The following MTUS2 variants were observed in gnomAD, a reference collection of about 807,000 sequenced individuals.
MTUS2 encodes the protein microtubule associated scaffold protein 2, also known as microtubule-associated tumor suppressor candidate 2.
MTUS2 carries 40 observed loss-of-function variants against 114.1 expected under a neutral mutation model. That is an observed-to-expected ratio of 0.35 (90% CI 0.27 to 0.46). The LOEUF is 0.46. Among genes scored for constraint, MTUS2 ranks in the 20% least tolerant of loss-of-function variants. The pLI is 1.00. For missense variants in MTUS2, 1,679 were observed against 1,705.4 expected (o/e 0.98, Z 0.27); for synonymous variants, 688 against 672.0 (o/e 1.02, Z -0.37).
intron 8 of MTUS2, among the ~76,000 whole-genome samples, chr13:29,369,116 G>A (rs543157724): frequency 1.2e-4 from 18 of 144,492 alleles, no homozygotes; most frequent in Middle Eastern, 7.3e-3. Flanking sequence ...ACCAGGCAGC[G>A]GGAAAAAAAA....
At chr13:29,005,786 G>A (rs1479837036) in intron 2 of MTUS2, among the ~76,000 whole-genome samples, 1 of 152,148 alleles carries the variant, frequency 6.6e-6, no homozygotes, top group East Asian at 1.9e-4. Context: ...GTTAACCTAG[G>A]ACATAGTCTG....
At chr13:29,163,519 C>T (rs982192589) in intron 5 of MTUS2, among the ~76,000 whole-genome samples, 2 of 152,150 alleles carry the variant, frequency 1.3e-5, no homozygotes, top group African/African-American at 4.8e-5. Context: ...GGTCAGCACA[C>T]CCGTGTGCAT....
chr13:29,158,358 C>CCCCCCCCCTTCTTTT, intron 5 of MTUS2, among the ~76,000 whole-genome samples: 2 of 32,046 alleles, frequency 6.2e-5, no homozygotes, highest in Non-Finnish European at 1.0e-4. Context: ...GTCCACCCCG[C>CCCCCCCCCTTCTTTT]TTTTTTTTTT....
chr13:29,356,224 A>G (rs189018352), intron 7 of MTUS2, among the ~76,000 whole-genome samples: 10 of 152,302 alleles, frequency 6.6e-5, no homozygotes, highest in Admixed American at 6.5e-4. Context: ...CCTGAGAAAT[A>G]TGATGGGAAA....
chr13:29,307,946 T>C (rs967766350), intron 6 of MTUS2, among the ~76,000 whole-genome samples: 23 of 152,168 alleles, frequency 1.5e-4, no homozygotes, highest in African/African-American at 5.1e-4. Flanking sequence ...CACCTTGTCA[T>C]GTACCATCAA....
chr13:28,919,215 G>T (rs977950050), intron 2 of MTUS2, among the ~76,000 whole-genome samples: 1 of 152,062 alleles, frequency 6.6e-6, no homozygotes, highest in African/African-American at 2.4e-5. Flanking sequence ...TTTTCTTTCA[G>T]ATTGAATAAC....
At position 29,286,672 on chromosome 13, in the gene MTUS2, GTCTA is replaced by G. The variant is rs1555261573; in HGVS notation, c.2806+4831_2806+4834del. Among the ~76,000 whole-genome samples the G allele has an allele frequency of 1.6e-4, 18 of 111,018 alleles. No homozygotes were observed. In the South Asian group the frequency reaches 2.2e-3, roughly 14 times the overall value. 72.8% of individuals were successfully genotyped at this position (111,018 alleles called of 152,430 possible). A position where few individuals can be genotyped will look rare whatever the true frequency, so the allele number is the denominator to read the frequency against. On this transcript the variant is annotated intron_variant, in intron 6 of 15. Transcript: ENST00000612955. ...TATCTGTCTGTCTGTCTGTCTGTCT[GTCTA>G]TCTATCTATCTATCTATCTATCTTA...
intron 12 of MTUS2, among the ~76,000 whole-genome samples, chr13:29,495,991 C>G (rs969527002): frequency 2.0e-5 from 3 of 151,852 alleles, no homozygotes; most frequent in Non-Finnish European, 4.4e-5. Context: ...ATGGGAGACC[C>G]TAGTTTCTGT....
At chr13:29,342,709 G>A (rs546307912) in intron 7 of MTUS2, among the ~76,000 whole-genome samples, 3 of 152,242 alleles carry the variant, frequency 2.0e-5, no homozygotes, top group Non-Finnish European at 4.4e-5. Flanking sequence ...AATAGAAGTG[G>A]TGAAAGTGGG....
At chr13:29,288,123 C>T (rs1188567664) in intron 6 of MTUS2, among the ~76,000 whole-genome samples, 1 of 152,158 alleles carries the variant, frequency 6.6e-6, no homozygotes, top group African/African-American at 2.4e-5. Context: ...TGGGAAACCT[C>T]CATCTAGCAA....
chr13:28,856,855 G>A (rs959231336), intron 2 of MTUS2, among the ~76,000 whole-genome samples: 2 of 152,202 alleles, frequency 1.3e-5, no homozygotes, highest in African/African-American at 4.8e-5. Context: ...TTAAGTTGCA[G>A]TATATCCGTA....
intron 8 of MTUS2, among the ~76,000 whole-genome samples, chr13:29,407,445 T>C (rs1874846715): frequency 7.0e-6 from 1 of 143,338 alleles, no homozygotes; most frequent in East Asian, 2.0e-4. Flanking sequence ...AGAGTGATTG[T>C]ACTTATTTAT....
intron 7 of MTUS2, among the ~76,000 whole-genome samples, chr13:29,332,588 G>A (rs138402890): frequency 0.015 from 2,226 of 147,436 alleles, 70 homozygotes; most frequent in African/African-American, 0.053. Context: ...GTTATTTCTT[G>A]TCTTCTGCTA....
intron 4 of MTUS2, among the ~76,000 whole-genome samples, chr13:29,099,478 T>C (rs998470723): frequency 7.1e-6 from 1 of 140,546 alleles, no homozygotes; most frequent in East Asian, 2.1e-4. Context: ...CTATGTACCA[T>C]TTAGACCCAG....
intron 2 of MTUS2, among the ~76,000 whole-genome samples, chr13:28,964,287 A>C (rs1435727237): frequency 6.6e-6 from 1 of 152,126 alleles, no homozygotes; most frequent in Non-Finnish European, 1.5e-5. Context: ...CTCTTTTTTC[A>C]GAATGTCCTT....
chr13:29,503,302 G>C lies in MTUS2; in HGVS notation c.*96G>C. 1 of 1,395,776 alleles carries C rather than the reference G, an allele frequency of 7.2e-7. No homozygotes were observed. Among genetic ancestry groups the C allele is most frequent in the Non-Finnish European group, 9.9e-7 (1 of 1,009,528 alleles). The allele number at this position is 1,395,776 out of a possible 1,614,324, so 86.5% of individuals were successfully genotyped here. A position where few individuals can be genotyped will look rare whatever the true frequency, so the allele number is the denominator to read the frequency against. ...GGTGCCGCCGGAGCTGGCCCTGTGC[G>C]CATGCTCAGTAGCTGCGAATGCATC... On this transcript the variant is annotated 3_prime_UTR_variant, in exon 16 of 16. Coordinates refer to ENST00000612955, the MANE Select transcript of MTUS2 (RefSeq NM_001033602.4).
chr13:28,873,809 A>G (rs561100284), intron 2 of MTUS2, among the ~76,000 whole-genome samples: 2 of 152,350 alleles, frequency 1.3e-5, no homozygotes, highest in South Asian at 4.1e-4. Context: ...TAATTTGGAA[A>G]TTAAAGAATT....
chr13:28,884,165 A>T (rs995614162), intron 2 of MTUS2, among the ~76,000 whole-genome samples: 1 of 152,190 alleles, frequency 6.6e-6, no homozygotes, highest in Non-Finnish European at 1.5e-5. Flanking sequence ...ATGTCCATTG[A>T]TGGATGGATG....
At position 29,145,722 on chromosome 13, in the gene MTUS2, GC is replaced by G. The variant is rs151091892; in HGVS notation, c.2644+44753del. On this transcript the variant is annotated intron_variant, in intron 5 of 15. Coordinates refer to ENST00000612955, the MANE Select transcript of MTUS2 (RefSeq NM_001033602.4). ...AGATTCCCAGAAATATTTTTCTGCA[GC>G]TTTCTATTATCATATGTTTTCAAAG... 8.3e-4 allele frequency among the ~76,000 whole-genome samples: 126 copies of G among 152,036 alleles called. 1 individual carries two copies. The highest frequency in any genetic ancestry group is 2.9e-3 in the African/African-American group (121 of 41,478).
Sources: allele counts gnomAD v4.1 joint callset (sites outside exome capture counted in the v4.1 genomes callset), GRCh38; gene constraint gnomAD v4.1.1; transcripts MANE v1.5; gene names NCBI Gene and HGNC (gene_info 2026-07-23, HGNC 2026-07-21).